Variants in SLC43A2 observed in about 807,000 individuals in gnomAD.
SLC43A2 encodes large neutral amino acids transporter small subunit 4.
SLC43A2 carries 38 observed loss-of-function variants against 63.2 expected under a neutral mutation model. The ratio of observed to expected loss-of-function variants is 0.60; its 90% CI spans 0.46 to 0.79. The LOEUF (loss-of-function observed/expected upper bound fraction) is 0.79, where lower values mean the gene tolerates loss of function less well. SLC43A2 is among the 30% of genes least tolerant of loss of function. The pLI is 0.00. For missense variants in SLC43A2, 644 were observed against 756.2 expected (o/e 0.85, Z 1.74); for synonymous variants, 322 against 331.0 (o/e 0.97, Z 0.30).
intron 5 of SLC43A2, among the ~76,000 whole-genome samples, chr17:1,603,829 G>C (rs1034579847): frequency 6.6e-5 from 10 of 152,040 alleles, no homozygotes; most frequent in African/African-American, 2.4e-4. Flanking sequence ...TTAAAGATTA[G>C]AAAAGTCAAG....
rs538833994 is a variant in SLC43A2, at chr17:1,582,940, G to A, written c.1350+264C>T. Among the ~76,000 whole-genome samples, 7 of 152,228 alleles carry A rather than the reference G, an allele frequency of 4.6e-5. No homozygotes were observed. In the South Asian group the frequency reaches 1.5e-3, roughly 32 times the overall value. On this transcript the variant is annotated intron_variant, in intron 11 of 13. Coordinates refer to ENST00000301335, the MANE Select transcript of SLC43A2 (RefSeq NM_152346.3). ...CTGAAAATACAAAAATTAGCTGGGCGTGATGGTGCGCACCTGTAATCCCAG... is the reference window on the plus strand; with the variant it reads ...CTGAAAATACAAAAATTAGCTGGGCATGATGGTGCGCACCTGTAATCCCAG...
In SLC43A2 at chr17:1,575,554, G is replaced by A; in HGVS notation, c.*50C>T. On this transcript the variant is annotated 3_prime_UTR_variant, in exon 14 of 14. Coordinates refer to ENST00000301335, the MANE Select transcript of SLC43A2 (RefSeq NM_152346.3). ...GGTACTCTGGAGGGGCAGGACAGGG[G>A]TCAGTCACTGAAGCACAGGCAGGAG... 6 of 1,612,040 alleles carry A rather than the reference G, an allele frequency of 3.7e-6. No homozygotes were observed. The highest frequency in any genetic ancestry group is 5.1e-6 in the Non-Finnish European group (6 of 1,178,260).
At chr17:1,617,519 T>G (rs1907789855) in intron 2 of SLC43A2, among the ~76,000 whole-genome samples, 1 of 151,922 alleles carries the variant, frequency 6.6e-6, no homozygotes, top group Non-Finnish European at 1.5e-5. Context: ...GCCTCCCGAG[T>G]AGCTGGGATT....
Position 1,577,345 on chromosome 17 carries a change from T to C in SLC43A2, c.1425-625A>G, listed in dbSNP as rs545346350. On this transcript the variant is annotated intron_variant, in intron 12 of 13. Transcript: ENST00000301335. This position sits in a 1 kb window ranked among gnomAD's most constrained non-coding sequence, Gnocchi z 4.9. ...CAGGCCCAGAGAGGAGTGTGGAGGC[T>C]GGGCTTGGCTCTGCAGTGCCCTCGT... Among the ~76,000 whole-genome samples the C allele has an allele frequency of 6.6e-6, 1 of 152,326 alleles. No individual in the cohort carries two copies. Among genetic ancestry groups the C allele is most frequent in the East Asian group, 1.9e-4 (1 of 5,184 alleles).
chr17:1,590,351 G>A lies in SLC43A2; in HGVS notation c.1078+451C>T, dbSNP rs1046802349. ...TTCTCGGTGAGGGATGCAGATCCCA[G>A]TGTGGGCCAGTTGCCCCAGCGTCTC... On this transcript the variant is annotated intron_variant, in intron 9 of 13. Coordinates refer to ENST00000301335, the MANE Select transcript of SLC43A2 (RefSeq NM_152346.3). Among the ~76,000 whole-genome samples, 4 of 152,078 alleles carry A rather than the reference G, an allele frequency of 2.6e-5. No homozygotes were observed. In the East Asian group the frequency reaches 7.7e-4, roughly 29 times the overall value.
chr17:1,586,414 C>T (rs113278744), intron 9 of SLC43A2, among the ~76,000 whole-genome samples: 172 of 152,140 alleles, frequency 1.1e-3, no homozygotes, highest in Middle Eastern at 3.4e-3. Flanking sequence ...TAGCCCAGAA[C>T]GGCTGGGCGC....
chr17:1,606,842 A>G lies in SLC43A2; in HGVS notation c.501+6353T>C, dbSNP rs1381143809. 6.6e-6 allele frequency among the ~76,000 whole-genome samples: 1 copy of G among 152,148 alleles called. No individual in the cohort carries two copies. Among genetic ancestry groups the G allele is most frequent in the East Asian group, 1.9e-4 (1 of 5,202 alleles). ...GCCCTGTGCTGCAGGGCCCTGGGAG[A>G]GCCAGCACTGGCTACTGGGCAGCCT... On this transcript the variant is annotated intron_variant, in intron 5 of 13. Coordinates refer to ENST00000301335, the MANE Select transcript of SLC43A2 (RefSeq NM_152346.3). The surrounding 1 kb of genome is among the most constrained non-coding windows in gnomAD (Gnocchi z 4.7).
chr17:1,577,142 G>A lies in SLC43A2; in HGVS notation c.1425-422C>T, dbSNP rs187301562. ...GCCTCCCAAAGTTCTGGGATTACAG[G>A]CGTGAGCCACCGCGCCCGGCCCTGC... On this transcript the variant is annotated intron_variant, in intron 12 of 13. Transcript: ENST00000301335. The surrounding 1 kb of genome is among the most constrained non-coding windows in gnomAD (Gnocchi z 4.9). Among the ~76,000 whole-genome samples, 77 of 152,252 alleles carry A rather than the reference G, an allele frequency of 5.1e-4. 1 individual carries two copies. The highest frequency in any genetic ancestry group is 1.6e-3 in the African/African-American group (68 of 41,556).
intron 5 of SLC43A2, 78 bp downstream of exon 5, chr17:1,613,117 A>G: frequency 2.3e-6 from 3 of 1,312,352 alleles, no homozygotes; most frequent in South Asian, 1.2e-5. Context: ...GAAGGCAAGG[A>G]AACAGAAACC....
intron 2 of SLC43A2, among the ~76,000 whole-genome samples, chr17:1,619,469 C>T (rs1204710322): frequency 6.6e-6 from 1 of 152,176 alleles, no homozygotes; most frequent in Non-Finnish European, 1.5e-5. Context: ...CGTCACCAAC[C>T]AGATTCCCAC....
chr17:1,590,472 G>A (rs1392902644), intron 9 of SLC43A2, among the ~76,000 whole-genome samples: 1 of 152,136 alleles, frequency 6.6e-6, no homozygotes, highest in Non-Finnish European at 1.5e-5. Flanking sequence ...TTTCAGCCAT[G>A]CTCAGGTGGA....
chr17:1,605,897 C>G lies in SLC43A2; in HGVS notation c.501+7298G>C, dbSNP rs1906569217. On this transcript the variant is annotated intron_variant, in intron 5 of 13. Coordinates refer to ENST00000301335, the MANE Select transcript of SLC43A2 (RefSeq NM_152346.3). This position sits in a 1 kb window ranked among gnomAD's most constrained non-coding sequence, Gnocchi z 4.9. ...TGTGCTCCCCTCCCCCGGCCACCTC[C>G]TGTGCCTTCCCGGCCGGGTCCAGTC... Among the ~76,000 whole-genome samples the G allele has an allele frequency of 6.6e-6, 1 of 152,188 alleles. No homozygotes were observed. The highest frequency in any genetic ancestry group is 1.5e-5 in the Non-Finnish European group (1 of 68,022).
At chr17:1,610,304 A>G (rs1906982423) in intron 5 of SLC43A2, among the ~76,000 whole-genome samples, 1 of 151,596 alleles carries the variant, frequency 6.6e-6, no homozygotes, top group South Asian at 2.1e-4. Context: ...GCTCTGTCAC[A>G]CAGGCTGGAA....
chr17:1,571,600 T>C lies in SLC43A2; in HGVS notation c.*4004A>G, dbSNP rs1421684790. 2 of 152,332 alleles carry C rather than the reference T, an allele frequency of 1.3e-5. No individual in the cohort carries two copies. The highest frequency in any genetic ancestry group is 4.8e-5 in the African/African-American group (2 of 41,458). The allele number at this position is 152,332 out of a possible 1,614,324, so 9.4% of individuals were successfully genotyped here. On this transcript the variant is annotated 3_prime_UTR_variant, in exon 14 of 14. Coordinates refer to ENST00000301335, the MANE Select transcript of SLC43A2 (RefSeq NM_152346.3). The surrounding 1 kb of genome is among the most constrained non-coding windows in gnomAD (Gnocchi z 5.2). ...CTGGATGTCCCGCCATTTTCAGCCC[T>C]GGGGCCTATGGCAAAGTGACGCCCC...
rs1218011361 is a variant in SLC43A2, at chr17:1,606,655, G to A, written c.501+6540C>T. 6.6e-6 allele frequency among the ~76,000 whole-genome samples: 1 copy of A among 152,256 alleles called. No individual in the cohort carries two copies. The highest frequency in any genetic ancestry group is 1.5e-5 in the Non-Finnish European group (1 of 68,044). ...CGGCCGTGTTTGTGCTCCAGCCGAT[G>A]AAGCGAGTGCAAAGGGCTGTACAAA... On this transcript the variant is annotated intron_variant, in intron 5 of 13. Transcript: ENST00000301335. This position sits in a 1 kb window ranked among gnomAD's most constrained non-coding sequence, Gnocchi z 4.7.
chr17:1,604,522 A>AC (rs893811006), intron 5 of SLC43A2: 2 of 589,142 alleles, frequency 3.4e-6, no homozygotes, highest in East Asian at 2.9e-5. Context: ...GGGGTCCCTC[A>AC]CCCCCCGGAG....
chr17:1,597,747 C>G (rs1905449907), intron 5 of SLC43A2, among the ~76,000 whole-genome samples: 1 of 151,500 alleles, frequency 6.6e-6, no homozygotes, highest in Non-Finnish European at 1.5e-5. Context: ...TGCAGTGAGT[C>G]AAGATATCGC....
rs1350794328 is a variant in SLC43A2, at chr17:1,606,120, C to G, written c.501+7075G>C. Among the ~76,000 whole-genome samples, 1 of 152,154 alleles carries G rather than the reference C, an allele frequency of 6.6e-6. No individual in the cohort carries two copies. The highest frequency in any genetic ancestry group is 1.9e-4 in the East Asian group (1 of 5,182). ...CTGGGCACTGGCAAGTCCCGCTCAC[C>G]AGGCACCTAGACCCTCCAGAGCTGG... On this transcript the variant is annotated intron_variant, in intron 5 of 13. Transcript: ENST00000301335. The surrounding 1 kb of genome is among the most constrained non-coding windows in gnomAD (Gnocchi z 4.7).
In SLC43A2 at chr17:1,575,445, T is replaced by C. The variant is rs1598427469; in HGVS notation, c.*159A>G. 2 of 946,888 alleles carry C rather than the reference T, an allele frequency of 2.1e-6. No individual in the cohort carries two copies. The highest frequency in any genetic ancestry group is 2.6e-5 in the East Asian group (1 of 38,398). 58.7% of individuals were successfully genotyped at this position (946,888 alleles called of 1,614,324 possible). ...GCGTGTCCGGGGCCCTCTCCCGTCCTTCCACCACAGAGCTCCGAGGCAGGG... is the reference window on the plus strand; with the variant it reads ...GCGTGTCCGGGGCCCTCTCCCGTCCCTCCACCACAGAGCTCCGAGGCAGGG... On this transcript the variant is annotated 3_prime_UTR_variant, in exon 14 of 14. Coordinates refer to ENST00000301335, the MANE Select transcript of SLC43A2 (RefSeq NM_152346.3).
Sources: allele counts gnomAD v4.1 joint callset (sites outside exome capture counted in the v4.1 genomes callset), GRCh38; gene constraint gnomAD v4.1.1; non-coding constraint Gnocchi (gnomAD v3.1); transcripts MANE v1.5; gene names NCBI Gene and HGNC (gene_info 2026-07-23, HGNC 2026-07-21).